Variants in NCKAP5L observed in about 807,000 individuals in gnomAD.
NCKAP5L encodes nck-associated protein 5-like.
NCKAP5L carries 54 observed loss-of-function variants against 103.2 expected under a neutral mutation model. The ratio of observed to expected loss-of-function variants is 0.52; its 90% CI spans 0.42 to 0.66. The LOEUF is 0.66. Among genes scored for constraint, NCKAP5L ranks in the 30% least tolerant of loss-of-function variants. The pLI, the probability that NCKAP5L is intolerant of heterozygous loss-of-function variation, is 0.00. For missense variants in NCKAP5L, 1,733 were observed against 1,750.6 expected, an observed-to-expected ratio of 0.99 and a Z score of 0.18; for synonymous variants, 762 against 748.6, an observed-to-expected ratio of 1.02 and a Z score of -0.29.
At chr12:49,802,682 ACAT>A (rs1393312346) in intron 5 of NCKAP5L, 1 of 506,856 alleles carries the variant, frequency 2.0e-6, no homozygotes, top group Non-Finnish European at 3.5e-6. Flanking sequence ...TAGGCTCACA[ACAT>A]CAACACTGCT....
In NCKAP5L at chr12:49,803,111, G is replaced by A. The variant is rs759911118; in HGVS notation, c.178C>T (p.Arg60Cys). 18 of 1,614,246 alleles carry A rather than the reference G, an allele frequency of 1.1e-5. No homozygotes were observed. In the Admixed American group the frequency reaches 2.2e-4, roughly 19 times the overall value. Residue 60 changes from arginine to cysteine, a missense_variant, in exon 4 of 13, where the codon CGC becomes TGC. Transcript: ENST00000335999. ...GACCCACAGACCTCGTCCAGACAGCGCTCATAAGTCTCCCGCTGGTTTTCG... is the reference window on the plus strand; with the variant it reads ...GACCCACAGACCTCGTCCAGACAGCACTCATAAGTCTCCCGCTGGTTTTCG... ...ANENQRETYE[R>C]CLDEVANHVV...
At chr12:49,827,875 C>T (rs1946437171) in intron 1 of NCKAP5L, among the ~76,000 whole-genome samples, 2 of 152,230 alleles carry the variant, frequency 1.3e-5, no homozygotes, top group Admixed American at 1.3e-4. Context: ...GTCTCCGCGC[C>T]TGCGCTTTGG....
At chr12:49,816,242 A>G (rs1946294291) in intron 1 of NCKAP5L, among the ~76,000 whole-genome samples, 1 of 151,362 alleles carries the variant, frequency 6.6e-6, no homozygotes, top group Admixed American at 6.6e-5. Context: ...CCAGTGTACC[A>G]CTCCTACCAA....
In NCKAP5L at chr12:49,796,152, G is replaced by A; in HGVS notation, c.1708C>T (p.Pro570Ser). The A allele has an allele frequency of 6.2e-7, 1 of 1,611,186 alleles. No homozygotes were observed. Among genetic ancestry groups the A allele is most frequent in the Non-Finnish European group, 8.5e-7 (1 of 1,178,966 alleles). The change falls in exon 8 of 13, where the codon CCT (proline) becomes TCT (serine). Residue 570 changes from proline to serine, a missense_variant. By Grantham distance (74) the Pro-to-Ser change is moderately conservative (BLOSUM62 -1). Coordinates refer to ENST00000335999, the MANE Select transcript of NCKAP5L (RefSeq NM_001037806.4). ...GGGGATGGAGGTGGCTCTGGGGAAG[G>A]CCCCCTAAAGGTGCTCCGAGAAAGG... ...LDLSRSTFRG[P>S]SPEPPPSPLQ... is the part of the protein sequence containing the mutation.
At position 49,796,045 on chromosome 12, in the gene NCKAP5L, G is replaced by A. The variant is rs199597561; in HGVS notation, c.1815C>T (p.Pro605=). 1.4e-5 allele frequency: 22 copies of A among 1,567,626 alleles called. No individual in the cohort carries two copies. The highest frequency in any genetic ancestry group is 6.0e-5 in the South Asian group (5 of 83,580). The change falls in exon 8 of 13, where the codon CCC becomes CCT. Residue 605 remains proline, a synonymous_variant. Transcript: ENST00000335999. ...GGTACGATTCTGGGAGGCAAGGACT[G>A]GGGGGTACTCCAGGGCTTCTGAGGA... ...PEVLRSPGVP[P]SPCLPESYPY... is the part of the protein sequence containing the mutation.
In NCKAP5L at chr12:49,793,806, G is replaced by T. The variant is rs781709774; in HGVS notation, c.3186C>A (p.Ser1062Arg). Reference sequence around the variant, plus strand: ...TCCGGGGCCCACAGGCTGGCCAGGGGCTCTTGGGGTCAGAAGACACCGGCT... The same window carrying T: ...TCCGGGGCCCACAGGCTGGCCAGGGTCTCTTGGGGTCAGAAGACACCGGCT... ...DFQPVSSDPK[S>R]PWPACGPRNG... The change falls in exon 9 of 13, where the codon AGC becomes AGA. Residue 1062 changes from serine (S) to arginine (R), a missense_variant. By Grantham distance (110) the Ser-to-Arg change is moderately radical (BLOSUM62 -1). Transcript: ENST00000335999. The T allele has an allele frequency of 5.0e-6, 8 of 1,602,762 alleles. No homozygotes were observed. Among genetic ancestry groups the T allele is most frequent in the Non-Finnish European group, 6.8e-6 (8 of 1,174,790 alleles).
In NCKAP5L at chr12:49,792,191, G is replaced by A; in HGVS notation, c.3793-140C>T. 9.6e-7 allele frequency: 1 copy of A among 1,041,390 alleles called. No individual in the cohort carries two copies. 64.5% of individuals were successfully genotyped at this position (1,041,390 alleles called of 1,614,324 possible). ...GGCCCAAGGTGGGGTATACTTCAGA[G>A]GAAACAGGCTGGAGGTACAACTGAG... is the stretch of plus-strand genomic sequence containing the variant. On this transcript the variant is annotated intron_variant, in intron 12 of 12. Coordinates refer to ENST00000335999, the MANE Select transcript of NCKAP5L (RefSeq NM_001037806.4). The surrounding 1 kb of genome is among the most constrained non-coding windows in gnomAD (Gnocchi z 4.5).
intron 7 of NCKAP5L, 24 bp downstream of exon 7, chr12:49,798,326 G>A: frequency 2.6e-6 from 4 of 1,523,528 alleles, no homozygotes; most frequent in Non-Finnish European, 3.6e-6. Flanking sequence ...GTGGAGTACT[G>A]ACCACAATAC....
rs1200991761 is a variant in NCKAP5L at position 49,796,168 on chromosome 12, C to T, written c.1692G>A (p.Arg564=). 3 of 1,609,878 alleles carry T rather than the reference C, an allele frequency of 1.9e-6. No individual in the cohort carries two copies. In the African/African-American group the frequency reaches 4.0e-5, roughly 22 times the overall value. Residue 564 remains arginine (R), a synonymous_variant, in exon 8 of 13, where the codon CGG becomes CGA. Transcript: ENST00000335999. ...CTGGGGAAGGCCCCCTAAAGGTGCTCCGAGAAAGGTCCAGAATGTTCTCAT... is the reference window on the plus strand; with the variant it reads ...CTGGGGAAGGCCCCCTAAAGGTGCTTCGAGAAAGGTCCAGAATGTTCTCAT... ...PCYENILDLS[R]STFRGPSPEP...
At chr12:49,802,262 T>C (rs989549389) in intron 5 of NCKAP5L, 4 of 277,440 alleles carry the variant, frequency 1.4e-5, no homozygotes, top group African/African-American at 2.2e-5. Flanking sequence ...TTTTTCTTTT[T>C]TTTTTGAGAC....
In NCKAP5L at chr12:49,803,260, A is replaced by G. The variant is rs1034212248; in HGVS notation, c.124-95T>C. 4.9e-6 allele frequency: 6 copies of G among 1,236,882 alleles called. No homozygotes were observed. The Admixed American group carries it at 5.7e-5, about 12-fold the overall frequency. 76.6% of individuals were successfully genotyped at this position (1,236,882 alleles called of 1,614,324 possible). A position where few individuals can be genotyped will look rare whatever the true frequency, so the allele number is the denominator to read the frequency against. ...CTTTTGGGAAAGGGGAGGCAACTACAGGGGTGCTAACTATACCCCCACTCC... is the reference window on the plus strand; with the variant it reads ...CTTTTGGGAAAGGGGAGGCAACTACGGGGGTGCTAACTATACCCCCACTCC... On this transcript the variant is annotated intron_variant, in intron 3 of 12. Coordinates refer to ENST00000335999, the MANE Select transcript of NCKAP5L (RefSeq NM_001037806.4).
intron 1 of NCKAP5L, among the ~76,000 whole-genome samples, chr12:49,817,923 G>A (rs1946316569): frequency 6.6e-6 from 1 of 152,196 alleles, no homozygotes; most frequent in Non-Finnish European, 1.5e-5. Flanking sequence ...GAGGTCAGGA[G>A]TTTGAGACCA....
chr12:49,825,041 T>C (rs937825378), intron 1 of NCKAP5L, among the ~76,000 whole-genome samples: 1 of 152,156 alleles, frequency 6.6e-6, no homozygotes, highest in African/African-American at 2.4e-5. Context: ...CATGTAAAAC[T>C]ACACAGCAGA....
In NCKAP5L at chr12:49,795,602, G is replaced by A; in HGVS notation, c.2258C>T (p.Ser753Phe). 6.3e-7 allele frequency: 1 copy of A among 1,590,882 alleles called. No individual in the cohort carries two copies. The highest frequency in any genetic ancestry group is 8.6e-7 in the Non-Finnish European group (1 of 1,169,000). The change falls in exon 8 of 13, where the codon TCC (serine) becomes TTC (phenylalanine). Residue 753 changes from serine (S) to phenylalanine (F), a missense_variant. Physicochemically the swap from Ser to Phe is radical, Grantham distance 155 (BLOSUM62 -2). Transcript: ENST00000335999. ...LMGDPGARVY[S>F]SHSMGARVDL... ...CACCCGGGCCCCCATGGAGTGAGAG[G>A]AGTAGACTCGGGCCCCGGGATCCCC...
chr12:49,813,563 T>C (rs183576938), intron 1 of NCKAP5L, among the ~76,000 whole-genome samples: 101 of 152,332 alleles, frequency 6.6e-4, no homozygotes, highest in African/African-American at 2.4e-3. Flanking sequence ...AGTCTCACTC[T>C]GTCGCTCAGG....
chr12:49,793,703 C>T lies in NCKAP5L; in HGVS notation c.3258+31G>A, dbSNP rs186351279. 5.6e-5 allele frequency: 85 copies of T among 1,518,112 alleles called. 1 individual carries two copies. The Admixed American group carries it at 1.3e-3, about 24-fold the overall frequency. 94.0% of individuals were successfully genotyped at this position (1,518,112 alleles called of 1,614,324 possible). A position where few individuals can be genotyped will look rare whatever the true frequency, so the allele number is the denominator to read the frequency against. On this transcript the variant is annotated intron_variant, in intron 9 of 12. Transcript: ENST00000335999. Reference sequence around the variant, plus strand: ...ACCTGGCAGGGCCAGAGAGCCAGGCCGTCCACCCAGTCCCTACCCCAAGAA... The same window carrying T: ...ACCTGGCAGGGCCAGAGAGCCAGGCTGTCCACCCAGTCCCTACCCCAAGAA...
chr12:49,799,597 G>A lies in NCKAP5L; in HGVS notation c.352-1134C>T, dbSNP rs76944759. The stretch of plus-strand genomic sequence containing the variant: ...CTCCCAAAATGTTGGGATTATAGGC[G>A]TGAGCTACCGCGCTCGGCCTCATTT... On this transcript the variant is annotated intron_variant, in intron 6 of 12. Transcript: ENST00000335999. 9.3e-3 allele frequency among the ~76,000 whole-genome samples: 1,414 copies of A among 152,194 alleles called. 11 individuals carry two copies. The highest frequency in any genetic ancestry group is 0.027 in the South Asian group (130 of 4,818).
At chr12:49,793,484 C>T (rs529270615) in intron 9 of NCKAP5L, 51 bp from the exon 10 acceptor site, 11 of 1,553,164 alleles carry the variant, frequency 7.1e-6, no homozygotes, top group African/African-American at 1.4e-5. Context: ...CCTCCACACC[C>T]CTCCCCATGC....
intron 1 of NCKAP5L, among the ~76,000 whole-genome samples, chr12:49,817,020 C>T (rs1229779151): frequency 6.6e-6 from 1 of 151,948 alleles, no homozygotes; most frequent in Non-Finnish European, 1.5e-5. Flanking sequence ...AAAAAAAAAT[C>T]AGTAGCCTTT....
Sources: allele counts gnomAD v4.1 joint callset (sites outside exome capture counted in the v4.1 genomes callset), GRCh38; gene constraint gnomAD v4.1.1; non-coding constraint Gnocchi (gnomAD v3.1); transcripts MANE v1.5; gene names NCBI Gene and HGNC (gene_info 2026-07-23, HGNC 2026-07-21).